Variants in RNF217 observed in about 807,000 individuals in gnomAD.
RNF217 encodes the protein ring finger protein 217, also known as E3 ubiquitin-protein ligase RNF217.
A neutral mutation model predicts 57.8 loss-of-function variants in RNF217; 31 were observed. The ratio of observed to expected loss-of-function variants is 0.54; its 90% CI spans 0.40 to 0.72. The LOEUF (loss-of-function observed/expected upper bound fraction) is 0.72. Ranked by LOEUF, RNF217 falls within the 30% of genes least tolerant of loss-of-function variation. The pLI is 0.00. For synonymous variants in RNF217, 313 were observed against 294.0 expected, an observed-to-expected ratio of 1.06 and a Z score of -0.66; for missense variants, 696 against 708.3, an observed-to-expected ratio of 0.98 and a Z score of 0.20.
At chr6:125,065,143 T>C (rs1787889124) in intron 3 of RNF217, among the ~76,000 whole-genome samples, 1 of 151,572 alleles carries the variant, frequency 6.6e-6, no homozygotes, top group African/African-American at 2.4e-5. Flanking sequence ...AAAAAAAAAT[T>C]AGCTGGACGT....
intron 1 of RNF217, among the ~76,000 whole-genome samples, chr6:124,987,837 AGTTGTTACAAT>A (rs1056782457): frequency 6.6e-6 from 1 of 152,166 alleles, no homozygotes; most frequent in Non-Finnish European, 1.5e-5. Context: ...TTCAAATATT[AGTTGTTACAAT>A]GATTTTACTG....
intron 2 of RNF217, among the ~76,000 whole-genome samples, chr6:125,056,691 C>T (rs1787535361): frequency 6.6e-6 from 1 of 152,140 alleles, no homozygotes; most frequent in Non-Finnish European, 1.5e-5. Context: ...TGAATTCACA[C>T]ATGCTGCAGT....
chr6:125,024,658 C>T (rs751159754), intron 1 of RNF217, among the ~76,000 whole-genome samples: 43 of 148,104 alleles, frequency 2.9e-4, no homozygotes, highest in Admixed American at 4.8e-4. Flanking sequence ...AGGCAGAGGT[C>T]GCAGTGAGCC....
At chr6:125,011,168 T>C (rs1448026683) in intron 1 of RNF217, among the ~76,000 whole-genome samples, 1 of 152,148 alleles carries the variant, frequency 6.6e-6, no homozygotes, top group Non-Finnish European at 1.5e-5. Context: ...TCTTTTAAAG[T>C]TTTGTCTAAG....
intron 1 of RNF217, 103 bp downstream of exon 1, chr6:124,963,529 A>T: frequency 7.6e-7 from 1 of 1,308,178 alleles, no homozygotes; most frequent in Non-Finnish European, 1.0e-6. Context: ...GGTGACCGAC[A>T]CACTTACTGA....
At chr6:125,040,686 A>T (rs190596869) in intron 1 of RNF217, among the ~76,000 whole-genome samples, 2 of 152,250 alleles carry the variant, frequency 1.3e-5, no homozygotes, top group East Asian at 3.9e-4. Flanking sequence ...AGCGAAAATC[A>T]TCAATAAAAT....
intron 1 of RNF217, among the ~76,000 whole-genome samples, chr6:125,013,643 A>G (rs1051544480): frequency 1.3e-5 from 2 of 152,086 alleles, no homozygotes; most frequent in Non-Finnish European, 2.9e-5. Flanking sequence ...ATTCATGTTA[A>G]ATAGCACAGT....
chr6:125,001,820 G>T (rs778707373), intron 1 of RNF217, among the ~76,000 whole-genome samples: 1 of 152,194 alleles, frequency 6.6e-6, no homozygotes, highest in Admixed American at 6.5e-5. Context: ...CTAATGCTGA[G>T]TGGAATGATT....
At position 125,082,545 on chromosome 6, in the gene RNF217, T is replaced by A. The variant is rs192853915; in HGVS notation, c.1556-319T>A. 8.6e-5 allele frequency: 138 copies of A among 1,612,546 alleles called. No individual in the cohort carries two copies. In the Admixed American group the frequency reaches 1.4e-3, roughly 17 times the overall value. ...CAGCCTGTGTTGTTAAGTGATATGC[T>A]ATACTGCCTGAAACAAGTGTGAGTA... On this transcript the variant is annotated intron_variant, in intron 5 of 5. Transcript: ENST00000521654.
At chr6:125,021,773 G>A (rs1785850399) in intron 1 of RNF217, among the ~76,000 whole-genome samples, 1 of 152,132 alleles carries the variant, frequency 6.6e-6, no homozygotes, top group Non-Finnish European at 1.5e-5. Context: ...AAACACAGGT[G>A]ACCTTACTTT....
intron 1 of RNF217, among the ~76,000 whole-genome samples, chr6:125,036,901 AT>A (rs1786650211): frequency 1.4e-5 from 2 of 148,002 alleles, no homozygotes; most frequent in Admixed American, 6.8e-5. Context: ...TTTATTATAT[AT>A]TATTTATTAT....
At position 125,085,419 on chromosome 6, in the gene RNF217, C is replaced by A. The variant is rs1788743776; in HGVS notation, c.*2482C>A. 1 of 151,698 alleles carries A rather than the reference C, an allele frequency of 6.6e-6. No homozygotes were observed. Among genetic ancestry groups the A allele is most frequent in the East Asian group, 1.9e-4 (1 of 5,192 alleles). 9.4% of individuals were successfully genotyped at this position (151,698 alleles called of 1,614,324 possible). A position where few individuals can be genotyped will look rare whatever the true frequency, so the allele number is the denominator to read the frequency against. ...CTATTAGGCCTTTCCCTGCTGGTAACTTAAAATGATTATTTGTGAATTTTT... is the reference window on the plus strand; with the variant it reads ...CTATTAGGCCTTTCCCTGCTGGTAAATTAAAATGATTATTTGTGAATTTTT... On this transcript the variant is annotated 3_prime_UTR_variant, in exon 6 of 6. Coordinates refer to ENST00000521654, the MANE Select transcript of RNF217 (RefSeq NM_001286398.3).
At chr6:124,991,760 C>G (rs1241763298) in intron 1 of RNF217, among the ~76,000 whole-genome samples, 1 of 152,086 alleles carries the variant, frequency 6.6e-6, no homozygotes, top group Non-Finnish European at 1.5e-5. Context: ...GTTTCTAAAC[C>G]TGTGCTAATA....
chr6:124,983,325 G>A, intron 1 of RNF217: 1 of 972,008 alleles, frequency 1.0e-6, no homozygotes, highest in Non-Finnish European at 1.2e-6. Context: ...GGTTTTCATG[G>A]TAACTAAGAT....
At chr6:125,047,427 A>G (rs1490900459) in intron 2 of RNF217, among the ~76,000 whole-genome samples, 1 of 152,102 alleles carries the variant, frequency 6.6e-6, no homozygotes, top group African/African-American at 2.4e-5. Context: ...GAAATATGTA[A>G]AAATTGACAA....
intron 1 of RNF217, among the ~76,000 whole-genome samples, chr6:125,044,284 G>A (rs1239764517): frequency 2.6e-5 from 4 of 152,044 alleles, no homozygotes; most frequent in Admixed American, 1.3e-4. Context: ...GGACAAAAGA[G>A]ATTGTAATGC....
chr6:124,992,223 T>C (rs373835820), intron 1 of RNF217, among the ~76,000 whole-genome samples: 2 of 152,212 alleles, frequency 1.3e-5, no homozygotes, highest in South Asian at 4.1e-4. Flanking sequence ...TTTAACATTT[T>C]AAGTAGGACA....
At chr6:125,008,127 G>T (rs1785263246) in intron 1 of RNF217, among the ~76,000 whole-genome samples, 1 of 151,906 alleles carries the variant, frequency 6.6e-6, no homozygotes, top group South Asian at 2.1e-4. Flanking sequence ...CTGGTGGCAG[G>T]CACCTATAGT....
intron 1 of RNF217, among the ~76,000 whole-genome samples, chr6:125,042,656 T>C (rs555360954): frequency 3.3e-5 from 5 of 152,174 alleles, no homozygotes; most frequent in East Asian, 1.9e-4. Context: ...GGATGTTGGA[T>C]GGTATCCCGA....
Sources: gnomAD v4.1 joint callset for allele counts (sites outside exome capture counted in the v4.1 genomes callset) on GRCh38, gnomAD v4.1.1 for gene constraint, MANE v1.5 for transcripts, NCBI Gene and HGNC (gene_info 2026-07-23, HGNC 2026-07-21) for gene names.